Variants in DGKK observed in about 807,000 individuals in gnomAD.
The protein encoded by DGKK is 142 kDa diacylglycerol kinase.
Under a neutral mutation model 92.2 loss-of-function variants are expected in DGKK, and 35 were observed. The ratio of observed to expected loss-of-function variants is 0.38; its 90% CI spans 0.29 to 0.50. The LOEUF (loss-of-function observed/expected upper bound fraction) is 0.50, where lower values mean the gene tolerates loss of function less well. Among genes scored for constraint, DGKK ranks in the 20% least tolerant of loss-of-function variants. The pLI is 0.92. For missense variants in DGKK, 910 were observed against 992.2 expected (o/e 0.92, Z 1.11); for synonymous variants, 368 against 360.6 (o/e 1.02, Z -0.23).
chrX:50,437,688 A>T (rs189104620), intron 1 of DGKK, among the ~76,000 whole-genome samples: 1 of 111,758 alleles, frequency 8.9e-6, no homozygotes, highest in African/African-American at 3.2e-5. Context: ...ACTCAGTCTG[A>T]TAGGCCTGGA....
At chrX:50,452,074 C>T (rs1204236260) in intron 1 of DGKK, among the ~76,000 whole-genome samples, 1 of 111,681 alleles carries the variant, frequency 9.0e-6, no homozygotes, top group Non-Finnish European at 1.9e-5. Context: ...GTCATTTGAT[C>T]CTTAGAAAAA....
intron 12 of DGKK, 28 bp from the exon 13 acceptor site, chrX:50,388,646 G>A: frequency 9.3e-7 from 1 of 1,070,892 alleles, no homozygotes; most frequent in Admixed American, 2.4e-5. Context: ...TCTTAGCCCT[G>A]GAATCTTAGT....
At chrX:50,443,088 A>G (rs1468201591) in intron 1 of DGKK, among the ~76,000 whole-genome samples, 1 of 111,766 alleles carries the variant, frequency 8.9e-6, no homozygotes, top group African/African-American at 3.3e-5. Flanking sequence ...CAGGAGTAAC[A>G]TCTCATAACT....
At chrX:50,447,326 G>GTATATATATATATAT (rs1926336776) in intron 1 of DGKK, among the ~76,000 whole-genome samples, 4 of 18,202 alleles carry the variant, frequency 2.2e-4, no homozygotes, top group Non-Finnish European at 3.5e-4. Context: ...GTGTGTGTAT[G>GTATATATATATATAT]TATATATATA....
chrX:50,388,556 C>T lies in DGKK; in HGVS notation c.1989G>A (p.Lys663=), dbSNP rs782511416. 3 of 1,209,117 alleles carry T rather than the reference C, an allele frequency of 2.5e-6. No homozygotes were observed. Residue 663 remains lysine, a synonymous_variant, in exon 13 of 28, where the codon AAG becomes AAA. Coordinates refer to ENST00000611977, the MANE Select transcript of DGKK (RefSeq NM_001013742.4). ...ATELNKILKA[K]YPTEMIIATR... is the part of the protein sequence containing the mutation. Reference sequence around the variant, plus strand: ...TTGCGATGATCATCTCTGTGGGGTACTTGGCCTTCAGGATTTTGTTCAACT... The same window carrying T: ...TTGCGATGATCATCTCTGTGGGGTATTTGGCCTTCAGGATTTTGTTCAACT...
chrX:50,387,601 C>A lies in DGKK; in HGVS notation c.2071G>T (p.Gly691Cys). ...GCAGTGTTGTTCTGTTTTATCTGAC[C>A]CCAGGCCTTTACAATATCAACCACA... is the stretch of plus-strand genomic sequence containing the variant. The part of the protein sequence containing the change: ...DFVVDIVKAW[G>C]QIKQNNTAIV... Residue 691 changes from glycine to cysteine, a missense_variant, in exon 14 of 28, where the codon GGT becomes TGT. Coordinates refer to ENST00000611977, the MANE Select transcript of DGKK (RefSeq NM_001013742.4). 2.5e-6 allele frequency: 3 copies of A among 1,208,932 alleles called. No individual in the cohort carries two copies. The highest frequency in any genetic ancestry group is 3.4e-6 in the Non-Finnish European group (3 of 893,636).
chrX:50,387,449 T>C, intron 14 of DGKK, 105 bp downstream of exon 14: 1 of 614,413 alleles, frequency 1.6e-6, no homozygotes, highest in Non-Finnish European at 2.5e-6. Context: ...CTGCCCCTCC[T>C]TTCCTTTCTT....
Position 50,420,303 on chromosome X carries a change from G to A in DGKK, c.942+100C>T, listed in dbSNP as rs1054745836. 2.9e-5 allele frequency: 22 copies of A among 746,878 alleles called. No homozygotes were observed. The Admixed American group carries it at 6.1e-4, about 21-fold the overall frequency. The allele number at this position is 746,878 out of a possible 1,213,427, so 61.6% of individuals were successfully genotyped here. On this transcript the variant is annotated intron_variant, in intron 4 of 27. Transcript: ENST00000611977. ...TATAATTCCTAAACAGGTGGTCTCT[G>A]CTTCCATCTTATTATTTCCCTGCTC... is the stretch of plus-strand genomic sequence containing the variant.
intron 1 of DGKK, among the ~76,000 whole-genome samples, chrX:50,430,917 C>T (rs1557230212): frequency 9.0e-6 from 1 of 111,660 alleles, no homozygotes; most frequent in African/African-American, 3.3e-5. Context: ...ATAATTAACA[C>T]CCCCCTGCTG....
chrX:50,379,838 G>A, intron 19 of DGKK, 104 bp from the exon 20 acceptor site: 1 of 910,344 alleles, frequency 1.1e-6, no homozygotes, highest in Non-Finnish European at 1.6e-6. Flanking sequence ...CCATTACATG[G>A]AAATCTATCT....
At chrX:50,408,442 G>C (rs1557227492) in intron 4 of DGKK, among the ~76,000 whole-genome samples, 1 of 111,537 alleles carries the variant, frequency 9.0e-6, no homozygotes, top group African/African-American at 3.3e-5. Context: ...GCAGTGGCGC[G>C]ATCTCGGCTC....
intron 25 of DGKK, 88 bp from the exon 26 acceptor site, chrX:50,371,922 T>G (rs1407629269): frequency 1.8e-6 from 1 of 563,013 alleles, no homozygotes; most frequent in East Asian, 3.9e-5. Context: ...TCCCTGCTAG[T>G]GACCAAGAGA....
At chrX:50,464,376 C>T (rs1309707394) in intron 1 of DGKK, among the ~76,000 whole-genome samples, 2 of 109,471 alleles carry the variant, frequency 1.8e-5, no homozygotes, top group Non-Finnish European at 3.8e-5. Flanking sequence ...CCCTCCCTCC[C>T]GCACCCCCCG....
rs149143082 is a variant in DGKK at position 50,379,531 on chromosome X, T to C, written c.2862+96A>G. The C allele has an allele frequency of 1.3e-3, 921 of 707,374 alleles. 9 individuals are homozygous for C. In the East Asian group the frequency reaches 0.024, roughly 19 times the overall value. The allele number at this position is 707,374 out of a possible 1,213,427, so 58.3% of individuals were successfully genotyped here. A position where few individuals can be genotyped will look rare whatever the true frequency, so the allele number is the denominator to read the frequency against. ...CTCGGACCACCTCCTCTTCTCCCAT[T>C]GTCTATTTTTCACTTCAGTTAGCAC... is the stretch of plus-strand genomic sequence containing the variant. On this transcript the variant is annotated intron_variant, in intron 20 of 27. Transcript: ENST00000611977.
At chrX:50,468,537 T>A (rs1926967688) in intron 1 of DGKK, among the ~76,000 whole-genome samples, 1 of 111,766 alleles carries the variant, frequency 8.9e-6, no homozygotes, top group African/African-American at 3.3e-5. Flanking sequence ...GTTGAATTTT[T>A]AAAAACTTAT....
intron 12 of DGKK, 24 bp from the exon 13 acceptor site, chrX:50,388,642 C>G: frequency 9.0e-7 from 1 of 1,108,700 alleles, no homozygotes; most frequent in Non-Finnish European, 1.2e-6. Flanking sequence ...GAGTTCTTAG[C>G]CCTGGAATCT....
At chrX:50,419,895 G>C (rs1486084304) in intron 4 of DGKK, among the ~76,000 whole-genome samples, 3 of 112,118 alleles carry the variant, frequency 2.7e-5, no homozygotes, top group Admixed American at 1.9e-4. Flanking sequence ...TTTTGTAGTA[G>C]ACAGAAAACA....
chrX:50,446,330 T>C (rs1015061819), intron 1 of DGKK, among the ~76,000 whole-genome samples: 68 of 111,278 alleles, frequency 6.1e-4, no homozygotes, highest in Non-Finnish European at 1.1e-3. Flanking sequence ...GAATAGGAGT[T>C]CCACCAACAA....
intron 1 of DGKK, among the ~76,000 whole-genome samples, chrX:50,443,586 C>A (rs1210025966): frequency 9.0e-6 from 1 of 110,758 alleles, no homozygotes; most frequent in Non-Finnish European, 1.9e-5. Flanking sequence ...GCACCCTTCA[C>A]CTAGCTCCCC....
Sources: gnomAD v4.1 joint callset for allele counts (sites outside exome capture counted in the v4.1 genomes callset) on GRCh38, gnomAD v4.1.1 for gene constraint, MANE v1.5 for transcripts, NCBI Gene and HGNC (gene_info 2026-07-23, HGNC 2026-07-21) for gene names.